The following R3HDML variants were observed in gnomAD, a reference collection of about 807,000 sequenced individuals.
The protein encoded by R3HDML is R3H domain containing like.
In R3HDML, 21 loss-of-function variants were observed where a neutral mutation model predicts 24.2. The ratio of observed to expected loss-of-function variants is 0.87; its 90% CI spans 0.62 to 1.25. The LOEUF (loss-of-function observed/expected upper bound fraction) is 1.25, where lower values mean the gene tolerates loss of function less well. R3HDML is among the 50% of genes most tolerant of loss of function. R3HDML has a pLI of 0.00. For missense variants in R3HDML, 301 were observed against 340.3 expected (o/e 0.88, Z 0.91); for synonymous variants, 133 against 131.5 (o/e 1.01, Z -0.08).
chr20:44,345,829 C>CTTTCTTTTTTTTTTT (rs1428987914), intron 4 of R3HDML, among the ~76,000 whole-genome samples: 3 of 147,770 alleles, frequency 2.0e-5, no homozygotes, highest in Non-Finnish European at 4.5e-5. Flanking sequence ...TTCTTTCTTT[C>CTTTCTTTTTTTTTTT]TTTTTTTTGA....
intron 2 of R3HDML, among the ~76,000 whole-genome samples, chr20:44,342,887 G>A (rs1396584006): frequency 6.6e-6 from 1 of 152,156 alleles, no homozygotes; most frequent in Non-Finnish European, 1.5e-5. Context: ...CCAGAAGGCA[G>A]AAGCTGTAGT....
Position 44,341,315 on chromosome 20 carries a change from G to T in R3HDML, c.380+1G>T. On this transcript the variant is annotated splice_donor_variant, in intron 2 of 4. Coordinates refer to ENST00000217043, the MANE Select transcript of R3HDML (RefSeq NM_178491.4). LOFTEE classifies it high-confidence loss of function. ...AGAACCTCTCCATCCATTCTGGCCA[G>T]TGAGTGACCCTCTGCCCTTCCTTCA... 6.2e-7 allele frequency: 1 copy of T among 1,605,694 alleles called. No homozygotes were observed. Among genetic ancestry groups the T allele is most frequent in the Non-Finnish European group, 8.5e-7 (1 of 1,172,596 alleles).
intron 4 of R3HDML, among the ~76,000 whole-genome samples, chr20:44,348,482 C>CTCCTTTCCTTCCCTTTCCTTTCCTT (rs2062796537): frequency 7.4e-6 from 1 of 135,132 alleles, no homozygotes; most frequent in Admixed American, 7.6e-5. Context: ...TTTTCCCTTT[C>CTCCTTTCCTTCCCTTTCCTTTCCTT]TCCTTTCCTT....
Position 44,343,380 on chromosome 20 carries a change from CCG to C in R3HDML, c.385_386del (p.Arg129ValfsTer11). On this transcript the variant is annotated frameshift_variant, in exon 3 of 5. Coordinates refer to ENST00000217043, the MANE Select transcript of R3HDML (RefSeq NM_178491.4). LOFTEE classifies it high-confidence loss of function. The stretch of plus-strand genomic sequence containing the variant: ...TCCGTGTCCCCCGCCTCCCCAGGTA[CCG>C]GTCCGTAGTGGATCTCATGAAGTCC... ...QNLSIHSGQY[R>X]SVVDLMKSWS... 1.2e-6 allele frequency: 2 copies of C among 1,608,456 alleles called. No homozygotes were observed. Among genetic ancestry groups the C allele is most frequent in the Non-Finnish European group, 1.7e-6 (2 of 1,177,734 alleles).
chr20:44,341,444 A>C (rs1815128509), intron 2 of R3HDML, 130 bp downstream of exon 2: 1 of 688,038 alleles, frequency 1.5e-6, no homozygotes, highest in Admixed American at 2.8e-5. Context: ...CTCCACCTGC[A>C]GGGAGCCTGC....
chr20:44,347,954 A>ATTTTTTTTT (rs35413702), intron 4 of R3HDML: 1 of 105,428 alleles, frequency 9.5e-6, no homozygotes. Flanking sequence ...ATAGCGTCTA[A>ATTTTTTTTT]TTTTTTTTTT....
rs542623017 is a variant in R3HDML, at chr20:44,339,422, T to C, written c.262-1774T>C. Among the ~76,000 whole-genome samples, 84 of 152,302 alleles carry C rather than the reference T, an allele frequency of 5.5e-4. 1 individual carries two copies. The highest frequency in any genetic ancestry group is 4.6e-3 in the South Asian group (22 of 4,824). ...GAAGGGAACTAGTATTTTAATGACA[T>C]ATTTTCTGGTTATAAAACTTGGAGA... is the stretch of plus-strand genomic sequence containing the variant. On this transcript the variant is annotated intron_variant, in intron 1 of 4. Transcript: ENST00000217043.
chr20:44,349,146 T>TAAAATAAAATA (rs1188627241), intron 4 of R3HDML, among the ~76,000 whole-genome samples: 3 of 145,796 alleles, frequency 2.1e-5, no homozygotes, highest in African/African-American at 7.6e-5. Context: ...TAAAATAAAA[T>TAAAATAAAATA]AAATAAAATA....
chr20:44,337,554 G>A lies in R3HDML; in HGVS notation c.261+136G>A, dbSNP rs1184262460. 4 of 905,338 alleles carry A rather than the reference G, an allele frequency of 4.4e-6. No individual in the cohort carries two copies. The highest frequency in any genetic ancestry group is 6.7e-6 in the Non-Finnish European group (4 of 599,198). 56.1% of individuals were successfully genotyped at this position (905,338 alleles called of 1,614,324 possible). ...CCTGGCCCCACTAGCCAGTATCTGGGTGTCGACCTGTGGAAAGGGCAGGAG... is the reference window on the plus strand; with the variant it reads ...CCTGGCCCCACTAGCCAGTATCTGGATGTCGACCTGTGGAAAGGGCAGGAG... On this transcript the variant is annotated intron_variant, in intron 1 of 4. Coordinates refer to ENST00000217043, the MANE Select transcript of R3HDML (RefSeq NM_178491.4). The surrounding 1 kb of genome is among the most constrained non-coding windows in gnomAD (Gnocchi z 4.7).
chr20:44,348,645 C>T (rs2062798229), intron 4 of R3HDML, among the ~76,000 whole-genome samples: 1 of 152,056 alleles, frequency 6.6e-6, no homozygotes, highest in African/African-American at 2.4e-5. Flanking sequence ...GGACTACAGG[C>T]GTTCACCACC....
intron 4 of R3HDML, 38 bp downstream of exon 4, chr20:44,345,416 C>T (rs201779732): frequency 2.1e-5 from 31 of 1,455,264 alleles, no homozygotes; most frequent in Middle Eastern, 1.8e-4. Context: ...GCCCTGGGGC[C>T]GGCGGGTGGG....
At chr20:44,338,701 T>C (rs1349374474) in intron 1 of R3HDML, among the ~76,000 whole-genome samples, 1 of 152,126 alleles carries the variant, frequency 6.6e-6, no homozygotes, top group Non-Finnish European at 1.5e-5. Flanking sequence ...ACATGTAGGT[T>C]TGATGTTTAG....
At chr20:44,350,230 C>G (rs531257468) in intron 4 of R3HDML, among the ~76,000 whole-genome samples, 1 of 151,844 alleles carries the variant, frequency 6.6e-6, no homozygotes, top group African/African-American at 2.4e-5. Flanking sequence ...CCAAGGCTTA[C>G]AGGTTGGGCA....
intron 1 of R3HDML, among the ~76,000 whole-genome samples, chr20:44,340,266 T>G (rs1444123910): frequency 6.6e-6 from 1 of 151,902 alleles, no homozygotes; most frequent in Non-Finnish European, 1.5e-5. Flanking sequence ...AATTTTTGTA[T>G]TTTTAGTAGA....
intron 4 of R3HDML, 132 bp from the exon 5 acceptor site, chr20:44,350,528 A>T (rs1204363964): frequency 1.4e-6 from 1 of 735,634 alleles, no homozygotes; most frequent in Non-Finnish European, 2.1e-6. Flanking sequence ...GAAAAAAAAG[A>T]AACCAAGGCT....
chr20:44,343,322 C>T (rs4812825), intron 2 of R3HDML, 55 bp from the exon 3 acceptor site: 221,371 of 1,591,168 alleles, frequency 0.14, 16,551 homozygotes, highest in Middle Eastern at 0.21. Flanking sequence ...AGTTGGCGGC[C>T]GAGCCACTTT....
intron 1 of R3HDML, among the ~76,000 whole-genome samples, chr20:44,339,597 G>GTGTC (rs2062766753): frequency 6.6e-6 from 1 of 151,446 alleles, no homozygotes; most frequent in African/African-American, 2.4e-5. Context: ...GTGTGTGTGT[G>GTGTC]TGTGTGTGTC....
Position 44,351,089 on chromosome 20 carries a change from C to T in R3HDML, c.*297C>T. 1 of 308,592 alleles carries T rather than the reference C, an allele frequency of 3.2e-6. No individual in the cohort carries two copies. Among genetic ancestry groups the T allele is most frequent in the Non-Finnish European group, 5.9e-6 (1 of 168,088 alleles). 19.1% of individuals were successfully genotyped at this position (308,592 alleles called of 1,614,324 possible). A position where few individuals can be genotyped will look rare whatever the true frequency, so the allele number is the denominator to read the frequency against. ...CCAAGGCTGGAAGGCATAGAACTGGCACCTTGGGACCAGGCATAATGGCTC... is the reference window on the plus strand; with the variant it reads ...CCAAGGCTGGAAGGCATAGAACTGGTACCTTGGGACCAGGCATAATGGCTC... On this transcript the variant is annotated 3_prime_UTR_variant, in exon 5 of 5. Transcript: ENST00000217043.
At chr20:44,348,981 T>C (rs2062799872) in intron 4 of R3HDML, among the ~76,000 whole-genome samples, 1 of 151,864 alleles carries the variant, frequency 6.6e-6, no homozygotes, top group Non-Finnish European at 1.5e-5. Flanking sequence ...TGAAATCCCA[T>C]CTCTACTAAA....
Sources: gnomAD v4.1 joint callset for allele counts (sites outside exome capture counted in the v4.1 genomes callset) on GRCh38, gnomAD v4.1.1 for gene constraint, Gnocchi (gnomAD v3.1) non-coding constraint, MANE v1.5 for transcripts, NCBI Gene and HGNC (gene_info 2026-07-23, HGNC 2026-07-21) for gene names.